RCOR3: variants seen among roughly 807,000 people sequenced by gnomAD.
The protein encoded by RCOR3 is REST corepressor 3.
RCOR3 carries 13 observed loss-of-function variants against 64.1 expected under a neutral mutation model. The ratio of observed to expected loss-of-function variants is 0.20; its 90% CI spans 0.13 to 0.32. The LOEUF is 0.32. Ranked by LOEUF, RCOR3 falls within the 10% of genes least tolerant of loss-of-function variation. The pLI is 1.00. For synonymous variants in RCOR3, 215 were observed against 239.0 expected, an observed-to-expected ratio of 0.90 and a Z score of 0.93; for missense variants, 489 against 701.2, an observed-to-expected ratio of 0.70 and a Z score of 3.42.
chr1:211,302,943 A>G (rs1289055303), intron 9 of RCOR3: 1 of 151,432 alleles, frequency 6.6e-6, no homozygotes, highest in Non-Finnish European at 1.5e-5. Context: ...TTCTTTTTTA[A>G]CTTTTTTAGA....
At chr1:211,306,914 A>G (rs1036897761) in intron 10 of RCOR3, among the ~76,000 whole-genome samples, 1 of 152,186 alleles carries the variant, frequency 6.6e-6, no homozygotes. Flanking sequence ...CTCTCCAGGT[A>G]GGGTATCATT....
At chr1:211,306,233 T>A (rs7520989) in intron 10 of RCOR3, among the ~76,000 whole-genome samples, 81,434 of 151,942 alleles carry the variant, frequency 0.54, 22,959 homozygotes, top group East Asian at 0.62. Context: ...ATAAATAGTA[T>A]AATCATGTAG....
intron 6 of RCOR3, 36 bp from the exon 7 acceptor site, chr1:211,279,202 A>G (rs754985635): frequency 5.4e-5 from 56 of 1,041,006 alleles, no homozygotes; most frequent in Middle Eastern, 2.9e-4. Context: ...AAAAAAAAAA[A>G]GGGAATTAAG....
chr1:211,288,479 A>G (rs1385231003), intron 7 of RCOR3, among the ~76,000 whole-genome samples: 1 of 132,952 alleles, frequency 7.5e-6, no homozygotes, highest in African/African-American at 2.8e-5. Context: ...ATTTATAAAT[A>G]AATTTATAAA....
intron 7 of RCOR3, among the ~76,000 whole-genome samples, chr1:211,286,688 T>C (rs1480352850): frequency 6.6e-6 from 1 of 152,230 alleles, no homozygotes; most frequent in Non-Finnish European, 1.5e-5. Flanking sequence ...AATATTGATG[T>C]CTTTATTGAC....
At position 211,313,205 on chromosome 1, in the gene RCOR3, T is replaced by C. The variant is rs1701668143; in HGVS notation, c.1318-219T>C. Reference sequence around the variant, plus strand: ...TATTTTTATTTTCAGTGTTAAGCTGTTTACAAATAAAGATGCCTGTTTGGT... The same window carrying C: ...TATTTTTATTTTCAGTGTTAAGCTGCTTACAAATAAAGATGCCTGTTTGGT... On this transcript the variant is annotated intron_variant, in intron 11 of 11. Coordinates refer to ENST00000419091, the MANE Select transcript of RCOR3 (RefSeq NM_001136223.3). The surrounding 1 kb of genome is among the most constrained non-coding windows in gnomAD (Gnocchi z 4.7). 3.5e-6 allele frequency: 5 copies of C among 1,430,824 alleles called. No homozygotes were observed. The allele number at this position is 1,430,824 out of a possible 1,614,324, so 88.6% of individuals were successfully genotyped here.
At chr1:211,311,775 C>T (rs1405162865) in intron 10 of RCOR3, among the ~76,000 whole-genome samples, 1 of 152,100 alleles carries the variant, frequency 6.6e-6, no homozygotes, top group Non-Finnish European at 1.5e-5. Context: ...GAGCTAAGTG[C>T]ATCTCCTTCT....
At chr1:211,295,359 T>G (rs572888050) in intron 8 of RCOR3, among the ~76,000 whole-genome samples, 1 of 152,296 alleles carries the variant, frequency 6.6e-6, no homozygotes, top group African/African-American at 2.4e-5. Flanking sequence ...CAAAACACTA[T>G]GGTAATGAGA....
At chr1:211,270,033 TAAG>T (rs1335475340) in intron 2 of RCOR3, among the ~76,000 whole-genome samples, 1 of 150,522 alleles carries the variant, frequency 6.6e-6, no homozygotes, top group East Asian at 2.0e-4. Context: ...CAGATTATAT[TAAG>T]AAGAAGTTGC....
chr1:211,309,086 T>TAAAAAAAAAAAA (rs10688171), intron 10 of RCOR3, among the ~76,000 whole-genome samples: 6 of 113,902 alleles, frequency 5.3e-5, no homozygotes, highest in African/African-American at 9.9e-5. Flanking sequence ...TAGCTAAACA[T>TAAAAAAAAAAAA]AAAAAAAAAA....
intron 9 of RCOR3, 150 bp from the exon 10 acceptor site, chr1:211,303,933 A>G: frequency 2.1e-6 from 1 of 478,400 alleles, no homozygotes; most frequent in Admixed American, 3.9e-5. Context: ...CTCAGAATAT[A>G]TATTTTTAAT....
intron 3 of RCOR3, among the ~76,000 whole-genome samples, chr1:211,273,690 G>C (rs1334196984): frequency 6.6e-6 from 1 of 152,160 alleles, no homozygotes; most frequent in Non-Finnish European, 1.5e-5. Flanking sequence ...TAACAAGCAG[G>C]AAGAGCTGAA....
intron 10 of RCOR3, among the ~76,000 whole-genome samples, chr1:211,311,391 ACCT>A (rs1701474003): frequency 6.6e-6 from 1 of 152,138 alleles, no homozygotes; most frequent in Admixed American, 6.5e-5. Context: ...ATAATGTCAG[ACCT>A]CCTGTCCAGA....
At chr1:211,294,896 A>G (rs1462736999) in intron 8 of RCOR3, among the ~76,000 whole-genome samples, 3 of 151,642 alleles carry the variant, frequency 2.0e-5, no homozygotes, top group Non-Finnish European at 4.4e-5. Flanking sequence ...GCCTTTTTTT[A>G]AGACAGGGTC....
intron 5 of RCOR3, among the ~76,000 whole-genome samples, chr1:211,277,875 C>T (rs1484428406): frequency 6.6e-6 from 1 of 152,156 alleles, no homozygotes; most frequent in Non-Finnish European, 1.5e-5. Context: ...GGGACATTCT[C>T]ACCAGATTAG....
intron 2 of RCOR3, among the ~76,000 whole-genome samples, chr1:211,261,923 C>CAAAAAAA (rs1158597755): frequency 0.16 from 5,545 of 34,046 alleles, 2,067 homozygotes; most frequent in South Asian, 0.23. Flanking sequence ...GACTCCATCT[C>CAAAAAAA]AAAAAAAAAA....
intron 9 of RCOR3, among the ~76,000 whole-genome samples, chr1:211,297,219 C>T (rs1032884374): frequency 2.6e-5 from 4 of 152,122 alleles, no homozygotes; most frequent in African/African-American, 9.7e-5. Flanking sequence ...AGGACAGTCT[C>T]ACTCATTAAC....
chr1:211,265,481 G>A (rs1362978271), intron 2 of RCOR3, among the ~76,000 whole-genome samples: 2 of 152,214 alleles, frequency 1.3e-5, no homozygotes, highest in Non-Finnish European at 2.9e-5. Flanking sequence ...ACTTTGGGAA[G>A]CCAAGGCAGG....
At chr1:211,278,890 A>G (rs1439967169) in intron 6 of RCOR3, among the ~76,000 whole-genome samples, 3 of 152,160 alleles carry the variant, frequency 2.0e-5, no homozygotes, top group Non-Finnish European at 4.4e-5. Context: ...CTAGAATACA[A>G]TAAAAAGAAG....
Sources: gnomAD v4.1 joint callset for allele counts (sites outside exome capture counted in the v4.1 genomes callset) on GRCh38, gnomAD v4.1.1 for gene constraint, Gnocchi (gnomAD v3.1) non-coding constraint, MANE v1.5 for transcripts, NCBI Gene and HGNC (gene_info 2026-07-23, HGNC 2026-07-21) for gene names.